The following CCDC158 variants were observed in gnomAD, a reference collection of about 807,000 sequenced individuals.
CCDC158 encodes the protein coiled-coil domain-containing protein 158.
In CCDC158, 116 loss-of-function variants were observed where a neutral mutation model predicts 138.6. The observed-to-expected ratio is 0.84, with a 90% confidence interval of 0.72 to 0.98. CCDC158 has a LOEUF of 0.98. Among genes scored for constraint, CCDC158 ranks in the 50% least tolerant of loss-of-function variants. The probability of loss-of-function intolerance (pLI) is 0.00; values close to 1 mark genes in which losing one functional copy is unlikely to be tolerated. For missense variants in CCDC158, 1,265 were observed against 1,306.1 expected (o/e 0.97, Z 0.48); for synonymous variants, 436 against 442.4 (o/e 0.99, Z 0.18).
chr4:76,347,735 C>T lies in CCDC158; in HGVS notation c.2664+3261G>A, dbSNP rs1056003741. On this transcript the variant is annotated intron_variant, in intron 18 of 24. Coordinates refer to ENST00000682701, the MANE Select transcript of CCDC158 (RefSeq NM_001394954.1). ...TAAAAATTAAAAAAAGAAACAAAAT[C>T]GCCTAGAACCCAAAATTATCTCTGT... is the stretch of plus-strand genomic sequence containing the variant. 5.3e-5 allele frequency among the ~76,000 whole-genome samples: 8 copies of T among 151,942 alleles called. 1 individual carries two copies. The highest frequency in any genetic ancestry group is 2.1e-4 in the South Asian group (1 of 4,816).
intron 4 of CCDC158, among the ~76,000 whole-genome samples, chr4:76,387,632 G>T (rs373893982): frequency 6.6e-6 from 1 of 152,158 alleles, no homozygotes; most frequent in East Asian, 1.9e-4. Context: ...AGACCAGCCT[G>T]ACCAAGATGG....
chr4:76,360,050 G>T (rs188462319), intron 13 of CCDC158, among the ~76,000 whole-genome samples: 1 of 152,376 alleles, frequency 6.6e-6, no homozygotes, highest in Non-Finnish European at 1.5e-5. Context: ...TTGGGACATG[G>T]TGCCCTGCAT....
chr4:76,379,567 A>T (rs904820744), intron 8 of CCDC158, among the ~76,000 whole-genome samples, 163 bp from the exon 9 acceptor site: 1 of 152,176 alleles, frequency 6.6e-6, no homozygotes, highest in African/African-American at 2.4e-5. Context: ...GTTTCACCTC[A>T]AATATATTGT....
intron 13 of CCDC158, among the ~76,000 whole-genome samples, chr4:76,358,652 C>A (rs538879971): frequency 6.6e-6 from 1 of 152,278 alleles, no homozygotes; most frequent in African/African-American, 2.4e-5. Flanking sequence ...TTTTCACCTG[C>A]TGAATTCCTT....
intron 24 of CCDC158, among the ~76,000 whole-genome samples, chr4:76,320,986 G>C (rs1204844144): frequency 6.6e-6 from 1 of 152,106 alleles, no homozygotes; most frequent in East Asian, 1.9e-4. Flanking sequence ...CCCACAGAGT[G>C]GAAGAAAATA....
chr4:76,363,128 C>T (rs1204701405), intron 12 of CCDC158, among the ~76,000 whole-genome samples: 3 of 152,120 alleles, frequency 2.0e-5, no homozygotes, highest in Non-Finnish European at 4.4e-5. Flanking sequence ...CATGCTGAAC[C>T]CCTGCTTTCC....
rs200146613 is a variant in CCDC158 at position 76,351,035 on chromosome 4, A to C, written c.2625T>G (p.Asn875Lys). The C allele has an allele frequency of 1.2e-6, 2 of 1,614,054 alleles. No homozygotes were observed. Among genetic ancestry groups the C allele is most frequent in the African/African-American group, 2.7e-5 (2 of 75,046 alleles). Residue 875 changes from asparagine to lysine, a missense_variant, in exon 18 of 25, where the codon AAT (asparagine) becomes AAG (lysine). Asn to Lys is a moderately conservative substitution (Grantham distance 94, BLOSUM62 0). Transcript: ENST00000682701. ...QPASVTRSHSNVPSSQSTASF... is the reference protein window; with the variant it reads ...QPASVTRSHSKVPSSQSTASF... Reference sequence around the variant, plus strand: ...TGGCTGTAGACTGCGAAGATGGTACATTAGAATGAGAACGAGTAACAGATG... The same window carrying C: ...TGGCTGTAGACTGCGAAGATGGTACCTTAGAATGAGAACGAGTAACAGATG...
chr4:76,402,566 C>T lies in CCDC158; in HGVS notation c.70+572G>A, dbSNP rs767349358. Among the ~76,000 whole-genome samples, 12 of 152,354 alleles carry T rather than the reference C, an allele frequency of 7.9e-5. 1 individual carries two copies. Among genetic ancestry groups the T allele is most frequent in the Middle Eastern group, 6.8e-3 (2 of 294 alleles). On this transcript the variant is annotated intron_variant, in intron 3 of 24. Transcript: ENST00000682701. Reference sequence around the variant, plus strand: ...TGTTGTTTCATCCCTTTAGGCTTTGCAGCTCTTTCAACACCTATGTAACCA... The same window carrying T: ...TGTTGTTTCATCCCTTTAGGCTTTGTAGCTCTTTCAACACCTATGTAACCA...
intron 18 of CCDC158, among the ~76,000 whole-genome samples, chr4:76,346,642 G>A (rs993946870): frequency 3.3e-5 from 5 of 152,168 alleles, no homozygotes; most frequent in Admixed American, 6.5e-5. Context: ...CCCGGGAGGC[G>A]GAGGTGGCAG....
intron 2 of CCDC158, among the ~76,000 whole-genome samples, chr4:76,407,736 CT>C (rs952111596): frequency 9.9e-5 from 15 of 152,056 alleles, no homozygotes; most frequent in African/African-American, 3.6e-4. Flanking sequence ...TAGTAATTCA[CT>C]ATCAAAGACT....
chr4:76,397,739 C>T (rs962138103), intron 3 of CCDC158, among the ~76,000 whole-genome samples: 1 of 152,220 alleles, frequency 6.6e-6, no homozygotes, highest in African/African-American at 2.4e-5. Flanking sequence ...TTTGAGTTAT[C>T]AGTGCTTCTA....
chr4:76,345,920 C>T (rs1722502737), intron 18 of CCDC158, among the ~76,000 whole-genome samples: 1 of 151,864 alleles, frequency 6.6e-6, no homozygotes, highest in Admixed American at 6.6e-5. Flanking sequence ...CAAAAAAGAG[C>T]CCATATGGTC....
intron 18 of CCDC158, among the ~76,000 whole-genome samples, chr4:76,336,196 A>AC (rs1721483033): frequency 6.6e-6 from 1 of 150,462 alleles, no homozygotes; most frequent in Admixed American, 6.6e-5. Flanking sequence ...AAAAAAAAAA[A>AC]AAAAAAAAAA....
At chr4:76,387,045 G>A (rs1579049977) in intron 4 of CCDC158, among the ~76,000 whole-genome samples, 1 of 152,184 alleles carries the variant, frequency 6.6e-6, no homozygotes, top group South Asian at 2.1e-4. Flanking sequence ...GCTGGGCTTA[G>A]AGCCAGTAAA....
chr4:76,346,275 T>C (rs186179537), intron 18 of CCDC158, among the ~76,000 whole-genome samples: 1 of 152,238 alleles, frequency 6.6e-6, no homozygotes, highest in African/African-American at 2.4e-5. Flanking sequence ...CCTAAAACCA[T>C]AAAAACCCTA....
At chr4:76,379,505 T>C in intron 8 of CCDC158, 101 bp from the exon 9 acceptor site, 4 of 557,620 alleles carry the variant, frequency 7.2e-6, no homozygotes, top group Non-Finnish European at 1.2e-5. Flanking sequence ...AGTTATTTTA[T>C]ATGGCATTAT....
At chr4:76,396,745 G>A (rs568740153) in intron 3 of CCDC158, among the ~76,000 whole-genome samples, 4 of 151,920 alleles carry the variant, frequency 2.6e-5, no homozygotes, top group Non-Finnish European at 2.9e-5. Context: ...GTCTGGTCTC[G>A]TACTCCTGAC....
chr4:76,368,941 C>A (rs768017746), intron 11 of CCDC158, among the ~76,000 whole-genome samples: 7 of 152,144 alleles, frequency 4.6e-5, no homozygotes, highest in African/African-American at 1.7e-4. Context: ...ATAGGCCGGG[C>A]GCAGTGGCTC....
chr4:76,330,060 G>T (rs1720884283), intron 21 of CCDC158, among the ~76,000 whole-genome samples: 1 of 152,148 alleles, frequency 6.6e-6, no homozygotes, highest in Admixed American at 6.5e-5. Flanking sequence ...CATTGCTGAA[G>T]GAAGCAGATT....
Sources: allele counts gnomAD v4.1 joint callset (sites outside exome capture counted in the v4.1 genomes callset), GRCh38; gene constraint gnomAD v4.1.1; transcripts MANE v1.5; gene names NCBI Gene and HGNC (gene_info 2026-07-23, HGNC 2026-07-21).